The following HIVEP2 variants were observed in gnomAD, a reference collection of about 807,000 sequenced individuals.
HIVEP2 encodes the protein HIVEP zinc finger 2, also known as transcription factor HIVEP2.
In HIVEP2, 14 loss-of-function variants were observed where a neutral mutation model predicts 180.7. The ratio of observed to expected loss-of-function variants is 0.08; its 90% CI spans 0.05 to 0.12. The LOEUF is 0.12. Ranked by LOEUF, HIVEP2 falls within the 10% of genes least tolerant of loss-of-function variation. The pLI is 1.00. For synonymous variants in HIVEP2, 1,184 were observed against 1,136.4 expected (o/e 1.04, Z -0.84); for missense variants, 2,579 against 3,008.5 (o/e 0.86, Z 3.34).
intron 1 of HIVEP2, among the ~76,000 whole-genome samples, chr6:142,855,263 G>A (rs1405993251): frequency 6.6e-6 from 1 of 152,144 alleles, no homozygotes; most frequent in African/African-American, 2.4e-5. Flanking sequence ...CTTGATAGGC[G>A]AAGTCTCCAC....
chr6:142,759,833 T>C lies in HIVEP2; in HGVS notation c.6455A>G (p.His2152Arg). 6.2e-7 allele frequency: 1 copy of C among 1,613,872 alleles called. No homozygotes were observed. Among genetic ancestry groups the C allele is most frequent in the Non-Finnish European group, 8.5e-7 (1 of 1,179,758 alleles). ...CTGTCCCATGGACAATGGTGGGTTA[T>C]GGTATAAAGCCCTTCTGGGAGATGG... ...RAPSPRRALYHNPPLSMGQYL... is the reference protein window; with the variant it reads ...RAPSPRRALYRNPPLSMGQYL... The change falls in exon 9 of 10, where the codon CAT becomes CGT. Residue 2152 changes from histidine (H) to arginine (R), a missense_variant. Around this residue, in one of 11 missense-constraint regions of HIVEP2, gnomAD observed 660 missense variants for 731.7 expected, o/e 0.90. Coordinates refer to ENST00000367603, the MANE Select transcript of HIVEP2 (RefSeq NM_006734.4).
chr6:142,768,235 A>C, intron 6 of HIVEP2, 147 bp downstream of exon 6: 1 of 678,776 alleles, frequency 1.5e-6, no homozygotes, highest in Non-Finnish European at 2.4e-6. Flanking sequence ...ATGATCTATT[A>C]CCAGCCAGAG....
At chr6:142,935,900 T>C (rs1269324456) in intron 1 of HIVEP2, among the ~76,000 whole-genome samples, 2 of 152,128 alleles carry the variant, frequency 1.3e-5, no homozygotes, top group Non-Finnish European at 2.9e-5. Context: ...ACTCTGAATA[T>C]AATTTAACTA....
intron 1 of HIVEP2, among the ~76,000 whole-genome samples, chr6:142,899,201 C>G (rs1777070725): frequency 6.6e-6 from 1 of 152,188 alleles, no homozygotes; most frequent in South Asian, 2.1e-4. Context: ...ATGCATCTCT[C>G]TATTTCCAGG....
Position 142,753,363 on chromosome 6 carries a change from A to G in HIVEP2, c.7085T>C (p.Leu2362Pro). The G allele has an allele frequency of 6.2e-7, 1 of 1,614,042 alleles. No homozygotes were observed. The part of the protein sequence containing the change: ...ARVQEPHQNP[L>P]GSAHVSIRHF... ...TCTAATGCTAACATGTGCACTTCCC[A>G]GGGGGTTCTGGTGGGGCTCCTGCAC... Residue 2362 changes from leucine to proline, a missense_variant, in exon 10 of 10, where the codon CTG becomes CCG. Physicochemically the swap from Leu to Pro is moderately conservative, Grantham distance 98. Transcript: ENST00000367603.
chr6:142,886,085 T>C (rs1298912980), intron 1 of HIVEP2, among the ~76,000 whole-genome samples: 1 of 152,222 alleles, frequency 6.6e-6, no homozygotes, highest in Non-Finnish European at 1.5e-5. Context: ...TTTTGCCCAC[T>C]GTATTTGCAG....
At chr6:142,886,832 C>A (rs1233619939) in intron 1 of HIVEP2, among the ~76,000 whole-genome samples, 1 of 152,184 alleles carries the variant, frequency 6.6e-6, no homozygotes, top group African/African-American at 2.4e-5. Context: ...GGGCAGCTCT[C>A]CAGTGAACAA....
intron 1 of HIVEP2, among the ~76,000 whole-genome samples, chr6:142,866,743 C>T (rs990334743): frequency 2.6e-5 from 4 of 152,088 alleles, no homozygotes; most frequent in Non-Finnish European, 5.9e-5. Context: ...TCTTTGAGGT[C>T]GGTCTCTCCC....
chr6:142,936,826 A>ATT (rs777113177), intron 1 of HIVEP2, among the ~76,000 whole-genome samples: 4 of 142,532 alleles, frequency 2.8e-5, no homozygotes, highest in African/African-American at 7.7e-5. Context: ...AAGGCAAGGA[A>ATT]TTTTTTTTTT....
Position 142,903,042 on chromosome 6 carries a change from C to T in HIVEP2, c.-641+42057G>A, listed in dbSNP as rs79947479. Among the ~76,000 whole-genome samples, 41 of 152,228 alleles carry T rather than the reference C, an allele frequency of 2.7e-4. No homozygotes were observed. The East Asian group carries it at 6.6e-3, about 24-fold the overall frequency. ...TGTTGTAAAACTAGGAGCAGTAAAC[C>T]GATATTTTTCTCTGGTGTTTTCTCC... is the stretch of plus-strand genomic sequence containing the variant. On this transcript the variant is annotated intron_variant, in intron 1 of 9. Coordinates refer to ENST00000367603, the MANE Select transcript of HIVEP2 (RefSeq NM_006734.4).
chr6:142,753,849 C>G lies in HIVEP2; in HGVS notation c.6599G>C (p.Ser2200Thr), dbSNP rs370273036. The change falls in exon 10 of 10, where the codon AGC (serine) becomes ACC (threonine). Residue 2200 changes from serine to threonine, a missense_variant. Physicochemically the swap from Ser to Thr is moderately conservative, Grantham distance 58 (BLOSUM62 1). This residue lies in a region of HIVEP2 where 660 missense variants were observed against 731.7 expected (regional missense o/e 0.90). Coordinates refer to ENST00000367603, the MANE Select transcript of HIVEP2 (RefSeq NM_006734.4). Reference protein sequence around the residue: ...QEGAYEHPGSSLFPEGPNDYV... With the variant: ...QEGAYEHPGSTLFPEGPNDYV... ...GTCATTAGGACCCTCAGGGAAAAGGCTGGAGCCTGGATGTTCATAAGCACC... is the reference window on the plus strand; with the variant it reads ...GTCATTAGGACCCTCAGGGAAAAGGGTGGAGCCTGGATGTTCATAAGCACC... The G allele has an allele frequency of 6.2e-7, 1 of 1,613,838 alleles. No homozygotes were observed. The highest frequency in any genetic ancestry group is 1.1e-5 in the South Asian group (1 of 91,082).
In HIVEP2 at chr6:142,771,759, G is replaced by A. The variant is rs758112270; in HGVS notation, c.2980C>T (p.Leu994Phe). 3.7e-6 allele frequency: 6 copies of A among 1,614,194 alleles called. No homozygotes were observed. The highest frequency in any genetic ancestry group is 5.1e-6 in the Non-Finnish European group (6 of 1,180,044). ...EREETSKLSALPKQDEFGKHS... is the reference protein window; with the variant it reads ...EREETSKLSAFPKQDEFGKHS... ...TTCCCAAACTCATCCTGCTTAGGAA[G>A]TGCAGAAAGCTTACTGGTTTCTTCT... The change falls in exon 5 of 10, where the codon CTT becomes TTT. Residue 994 changes from leucine to phenylalanine, a missense_variant. Leu to Phe is a conservative substitution (Grantham distance 22). This residue lies in a region of HIVEP2 where 523 missense variants were observed against 577.0 expected (regional missense o/e 0.91). Coordinates refer to ENST00000367603, the MANE Select transcript of HIVEP2 (RefSeq NM_006734.4). This position sits in a 1 kb window ranked among gnomAD's most constrained non-coding sequence, Gnocchi z 5.4.
Position 142,807,672 on chromosome 6 carries a change from C to T in HIVEP2, c.-527-24057G>A, listed in dbSNP as rs181168163. 9.6e-4 allele frequency among the ~76,000 whole-genome samples: 146 copies of T among 152,212 alleles called. 1 individual carries two copies. The Middle Eastern group carries it at 0.02, about 21-fold the overall frequency. On this transcript the variant is annotated intron_variant, in intron 2 of 9. Transcript: ENST00000367603. ...AAATTAAATTGGCTGGTGTCATAGT[C>T]ATAATTTTAATAAGTCGAAACTATC...
chr6:142,853,540 T>C (rs1775743665), intron 1 of HIVEP2, among the ~76,000 whole-genome samples: 1 of 152,236 alleles, frequency 6.6e-6, no homozygotes, highest in Admixed American at 6.5e-5. Flanking sequence ...CTGTATAACC[T>C]GATTTAGAAT....
At chr6:142,766,731 T>C (rs945480081) in intron 6 of HIVEP2, among the ~76,000 whole-genome samples, 2 of 152,200 alleles carry the variant, frequency 1.3e-5, no homozygotes. Flanking sequence ...CATACAACAG[T>C]TCTACAGGCC....
intron 2 of HIVEP2, among the ~76,000 whole-genome samples, chr6:142,820,663 C>T (rs62430690): frequency 0.13 from 20,268 of 152,100 alleles, 1,836 homozygotes; most frequent in Non-Finnish European, 0.19. Flanking sequence ...TGCCCTTTTT[C>T]TATTTTTTTT....
intron 7 of HIVEP2, among the ~76,000 whole-genome samples, chr6:142,764,586 T>C (rs111512100): frequency 5.1e-4 from 78 of 152,356 alleles, no homozygotes; most frequent in African/African-American, 1.8e-3. Flanking sequence ...CCTGGACCTA[T>C]GTCTACTGCT....
intron 2 of HIVEP2, among the ~76,000 whole-genome samples, chr6:142,803,402 G>C (rs1028845583): frequency 5.9e-4 from 90 of 151,986 alleles, no homozygotes; most frequent in African/African-American, 2.0e-3. Context: ...AGTTGCAAAG[G>C]CAAGGCATAT....
intron 1 of HIVEP2, among the ~76,000 whole-genome samples, chr6:142,897,731 A>G (rs1777034317): frequency 6.6e-6 from 1 of 152,222 alleles, no homozygotes; most frequent in Admixed American, 6.5e-5. Flanking sequence ...TGCTCTCAGA[A>G]TGCTGATAAT....
Sources: allele counts gnomAD v4.1 joint callset (sites outside exome capture counted in the v4.1 genomes callset), GRCh38; gene constraint gnomAD v4.1.1; regional missense constraint gnomAD v4.1.1; non-coding constraint Gnocchi (gnomAD v3.1); transcripts MANE v1.5; gene names NCBI Gene and HGNC (gene_info 2026-07-23, HGNC 2026-07-21).